The following DNHD1 variants were observed in gnomAD, a reference collection of about 807,000 sequenced individuals.
DNHD1 encodes the protein dynein heavy chain domain-containing protein 1.
Under a neutral mutation model 458.1 loss-of-function variants are expected in DNHD1, and 383 were observed. That is an observed-to-expected ratio of 0.84 (90% CI 0.77 to 0.91). The LOEUF (loss-of-function observed/expected upper bound fraction) is 0.91, where lower values mean the gene tolerates loss of function less well. Ranked by LOEUF, DNHD1 falls within the 40% of genes least tolerant of loss-of-function variation. The pLI is 0.00. For synonymous variants in DNHD1, 2,203 were observed against 2,376.9 expected, an observed-to-expected ratio of 0.93 and a Z score of 2.13; for missense variants, 5,336 against 5,866.1, an observed-to-expected ratio of 0.91 and a Z score of 2.95.
At chr11:6,570,136 C>T (rs1853807752) in intron 40 of DNHD1, 36 bp downstream of exon 40, 1 of 1,613,066 alleles carries the variant, frequency 6.2e-7, no homozygotes, top group Admixed American at 1.7e-5. Context: ...AGTCATCAGC[C>T]CCCAGGAGAG....
At chr11:6,536,031 G>A (rs1465455449) in intron 14 of DNHD1, among the ~76,000 whole-genome samples, 8 of 152,344 alleles carry the variant, frequency 5.3e-5, no homozygotes, top group Middle Eastern at 3.4e-3. Flanking sequence ...GCCTTCAGAT[G>A]TGATACTGGA....
intron 30 of DNHD1, 38 bp from the exon 31 acceptor site, chr11:6,563,655 C>T: frequency 1.3e-6 from 2 of 1,543,266 alleles, no homozygotes; most frequent in Non-Finnish European, 1.7e-6. Flanking sequence ...TCCAGAGCAT[C>T]CGTGGCTTCC....
At position 6,539,209 on chromosome 11, in the gene DNHD1, C is replaced by G. The variant is rs1396234813; in HGVS notation, c.3326-10C>G. The G allele has an allele frequency of 4.5e-6, 7 of 1,542,878 alleles. No homozygotes were observed. Among genetic ancestry groups the G allele is most frequent in the Non-Finnish European group, 5.3e-6 (6 of 1,139,214 alleles). Reference sequence around the variant, plus strand: ...TGGGTGTTGCTCTGACTTGTTTTCTCTACCTCCAGCCCTTGGGCTGGGCAG... The same window carrying G: ...TGGGTGTTGCTCTGACTTGTTTTCTGTACCTCCAGCCCTTGGGCTGGGCAG... On this transcript the variant is annotated splice_polypyrimidine_tract_variant and intron_variant, in intron 16 of 42. Transcript: ENST00000254579.
Position 6,547,680 on chromosome 11 carries a change from C to G in DNHD1, c.6727+14C>G. ...CCCCTGGCCCAGGTGGGAAGATGGACGGGCTGGTTTGAGAGAGATGGGGCC... is the reference window on the plus strand; with the variant it reads ...CCCCTGGCCCAGGTGGGAAGATGGAGGGGCTGGTTTGAGAGAGATGGGGCC... On this transcript the variant is annotated intron_variant, in intron 21 of 42. Coordinates refer to ENST00000254579, the MANE Select transcript of DNHD1 (RefSeq NM_144666.3). 1 of 1,510,584 alleles carries G rather than the reference C, an allele frequency of 6.6e-7. No homozygotes were observed. The highest frequency in any genetic ancestry group is 2.5e-5 in the East Asian group (1 of 40,448). The allele number at this position is 1,510,584 out of a possible 1,614,324, so 93.6% of individuals were successfully genotyped here.
chr11:6,552,615 G>A (rs1483118979), intron 24 of DNHD1, among the ~76,000 whole-genome samples: 2 of 151,814 alleles, frequency 1.3e-5, no homozygotes, highest in East Asian at 1.9e-4. Context: ...GGCAAAAGGC[G>A]AAGGGGAGGC....
intron 28 of DNHD1, among the ~76,000 whole-genome samples, chr11:6,561,547 C>G (rs1853587770): frequency 6.6e-6 from 1 of 152,200 alleles, no homozygotes; most frequent in Non-Finnish European, 1.5e-5. Flanking sequence ...ATAGACTCAT[C>G]CAGGCAATGA....
chr11:6,498,933 G>C lies in DNHD1; in HGVS notation c.718G>C (p.Val240Leu). The change falls in exon 3 of 43, where the codon GTG becomes CTG. Residue 240 changes from valine (V) to leucine (L), a missense_variant. Physicochemically the swap from Val to Leu is conservative, Grantham distance 32. Coordinates refer to ENST00000254579, the MANE Select transcript of DNHD1 (RefSeq NM_144666.3). ...YESSDTDNAEVEPVGRKETRS... is the reference protein window; with the variant it reads ...YESSDTDNAELEPVGRKETRS... ...AAGCAGTGACACTGACAATGCAGAG[G>C]TGGAGCCTGTTGGAAGAAAAGAGAC... 1.2e-6 allele frequency: 2 copies of C among 1,610,216 alleles called. No homozygotes were observed. The highest frequency in any genetic ancestry group is 1.1e-5 in the South Asian group (1 of 90,558).
intron 18 of DNHD1, among the ~76,000 whole-genome samples, chr11:6,540,522 G>A (rs373765902): frequency 9.4e-4 from 143 of 152,264 alleles, no homozygotes; most frequent in African/African-American, 3.3e-3. Context: ...CAGTATCCCT[G>A]TCCCCCAGAA....
chr11:6,505,233 G>T lies in DNHD1; in HGVS notation c.920+2307G>T, dbSNP rs747230582. Among the ~76,000 whole-genome samples, 11 of 151,804 alleles carry T rather than the reference G, an allele frequency of 7.2e-5. No individual in the cohort carries two copies. Among genetic ancestry groups the T allele is most frequent in the Non-Finnish European group, 1.0e-4 (7 of 67,942 alleles). ...ATTTGTTCCTCTAGTTCTGGAGCTG[G>T]TTTTTTATTTTTATTTTTATTATTT... is the stretch of plus-strand genomic sequence containing the variant. On this transcript the variant is annotated intron_variant, in intron 4 of 42. Transcript: ENST00000254579. This position sits in a 1 kb window ranked among gnomAD's most constrained non-coding sequence, Gnocchi z 4.4.
chr11:6,529,183 G>A (rs1852776696), intron 12 of DNHD1, 62 bp downstream of exon 12: 1 of 1,530,282 alleles, frequency 6.5e-7, no homozygotes, highest in Non-Finnish European at 8.8e-7. Flanking sequence ...CACATGGCCT[G>A]CCTTGGTCCT....
chr11:6,570,131 T>C, intron 40 of DNHD1, 31 bp downstream of exon 40: 7 of 1,612,934 alleles, frequency 4.3e-6, no homozygotes, highest in Non-Finnish European at 5.9e-6. Context: ...CTTGGAGTCA[T>C]CAGCCCCCAG....
intron 17 of DNHD1, 76 bp downstream of exon 17, chr11:6,539,389 G>A (rs1853041365): frequency 2.6e-6 from 3 of 1,150,220 alleles, no homozygotes; most frequent in Non-Finnish European, 2.5e-6. Context: ...AGGGTGGTGG[G>A]TGTTTGGCAT....
rs564411540 is a variant in DNHD1 at position 6,564,677 on chromosome 11, C to T, written c.10629C>T (p.Ser3543=). ...ACCTGGCAGGCTTGCTTCTGCGAAG[C>T]CCCACACACTACAGTAGTTGCCGTT... ...SAHLAGLLLR[S]PTHYSSCRWP... The change falls in exon 32 of 43, where the codon AGC becomes AGT. Residue 3543 remains serine (S), a synonymous_variant. Transcript: ENST00000254579. 4 of 1,551,696 alleles carry T rather than the reference C, an allele frequency of 2.6e-6. No homozygotes were observed. The South Asian group carries it at 4.8e-5, about 18-fold the overall frequency.
At position 6,547,638 on chromosome 11, in the gene DNHD1, C is replaced by A; in HGVS notation, c.6699C>A (p.Arg2233=). The change falls in exon 21 of 43, where the codon CGC becomes CGA. Residue 2233 remains arginine (R), a synonymous_variant. Transcript: ENST00000254579. ...ILHSLLDLHL[R]LKEEKAPGPE... The stretch of plus-strand genomic sequence containing the variant: ...ATAGTCTGCTTGACCTCCACCTTCG[C>A]CTAAAGGAGGAGAAGGCCCCTGGCC... The A allele has an allele frequency of 6.5e-7, 1 of 1,530,312 alleles. No homozygotes were observed. Among genetic ancestry groups the A allele is most frequent in the Non-Finnish European group, 8.8e-7 (1 of 1,132,180 alleles). 94.8% of individuals were successfully genotyped at this position (1,530,312 alleles called of 1,614,324 possible). A position where few individuals can be genotyped will look rare whatever the true frequency, so the allele number is the denominator to read the frequency against.
chr11:6,549,703 T>C (rs1379323643), intron 24 of DNHD1, among the ~76,000 whole-genome samples: 1 of 152,262 alleles, frequency 6.6e-6, no homozygotes, highest in Non-Finnish European at 1.5e-5. Context: ...ATGATTTTAT[T>C]ATTGTATGCT....
rs1237481130 is a variant in DNHD1, at chr11:6,557,495, T to G, written c.8200T>G (p.Tyr2734Asp). The change falls in exon 25 of 43, where the codon TAT becomes GAT. Residue 2734 changes from tyrosine to aspartate, a missense_variant. Physicochemically the swap from Tyr to Asp is radical, Grantham distance 160. Around this residue, in one of 4 missense-constraint regions of DNHD1, gnomAD observed 3,932 missense variants for 4,365.6 expected, o/e 0.90. Transcript: ENST00000254579. ...TGAAACAGAGGAGGAAGAGGAACCT[T>G]ATGGCCTTCAGGTCGCCAGAGTCTC... Reference protein sequence around the residue: ...NSETEEEEEPYGLQVARVSNS... With the variant: ...NSETEEEEEPDGLQVARVSNS... 1 of 1,551,540 alleles carries G rather than the reference T, an allele frequency of 6.4e-7. No homozygotes were observed. The highest frequency in any genetic ancestry group is 8.7e-7 in the Non-Finnish European group (1 of 1,147,000).
Position 6,547,186 on chromosome 11 carries a change from T to C in DNHD1, c.6247T>C (p.Trp2083Arg). Residue 2083 changes from tryptophan to arginine, a missense_variant, in exon 21 of 43, where the codon TGG (tryptophan) becomes CGG (arginine). Trp to Arg is a moderately radical substitution (Grantham distance 101). Around this residue, in one of 4 missense-constraint regions of DNHD1, gnomAD observed 3,932 missense variants for 4,365.6 expected, o/e 0.90. Transcript: ENST00000254579. ...AGAGGAATCAATCGGGATCCAGCAC[T>C]GGATAATATGTGATGGAGCCTCCAA... ...QTEESIGIQH[W>R]IICDGASNGA... The C allele has an allele frequency of 1.3e-6, 2 of 1,551,780 alleles. No homozygotes were observed. The highest frequency in any genetic ancestry group is 1.7e-6 in the Non-Finnish European group (2 of 1,147,010).
At position 6,568,548 on chromosome 11, in the gene DNHD1, G is replaced by C; in HGVS notation, c.12633G>C (p.Val4211=). Residue 4211 remains valine (V), a synonymous_variant, in exon 38 of 43, where the codon GTG becomes GTC. Transcript: ENST00000254579. Reference sequence around the variant, plus strand: ...GAGATTTTCGTCTTTGGCTTATTGTGCCTGCAGAGTCTAGTGCTTCTTTGC... The same window carrying C: ...GAGATTTTCGTCTTTGGCTTATTGTCCCTGCAGAGTCTAGTGCTTCTTTGC... ...VHRDFRLWLI[V]PAESSASLPA... The C allele has an allele frequency of 6.2e-7, 1 of 1,614,008 alleles. No homozygotes were observed. The highest frequency in any genetic ancestry group is 8.5e-7 in the Non-Finnish European group (1 of 1,179,902).
In DNHD1 at chr11:6,571,988, C is replaced by T. The variant is rs1853863717; in HGVS notation, c.*2C>T. 1 of 1,593,472 alleles carries T rather than the reference C, an allele frequency of 6.3e-7. No individual in the cohort carries two copies. The highest frequency in any genetic ancestry group is 1.3e-5 in the African/African-American group (1 of 74,662). On this transcript the variant is annotated 3_prime_UTR_variant, in exon 43 of 43. Coordinates refer to ENST00000254579, the MANE Select transcript of DNHD1 (RefSeq NM_144666.3). The surrounding 1 kb of genome is among the most constrained non-coding windows in gnomAD (Gnocchi z 5.0). ...GTGTGCAGCCCACCCCTGTCTTGAG[C>T]CCGTCTACCAAAATAAAGTTGTAGT...
Sources: gnomAD v4.1 joint callset for allele counts (sites outside exome capture counted in the v4.1 genomes callset) on GRCh38, gnomAD v4.1.1 for gene constraint, gnomAD v4.1.1 regional missense constraint, Gnocchi (gnomAD v3.1) non-coding constraint, MANE v1.5 for transcripts, NCBI Gene and HGNC (gene_info 2026-07-23, HGNC 2026-07-21) for gene names.